The following TLK1 variants were observed in gnomAD, a reference collection of about 807,000 sequenced individuals.
The protein encoded by TLK1 is serine/threonine-protein kinase tousled-like 1.
A neutral mutation model predicts 105.3 loss-of-function variants in TLK1; 24 were observed. That is an observed-to-expected ratio of 0.23 (90% confidence interval 0.17 to 0.32). The LOEUF is 0.32. Among genes scored for constraint, TLK1 ranks in the 10% least tolerant of loss-of-function variants. TLK1 has a pLI of 1.00. For missense variants in TLK1, 558 were observed against 910.5 expected, an observed-to-expected ratio of 0.61 and a Z score of 4.98; for synonymous variants, 321 against 310.4, an observed-to-expected ratio of 1.03 and a Z score of -0.36.
At chr2:171,082,427 T>C (rs1301998071) in intron 3 of TLK1, among the ~76,000 whole-genome samples, 4 of 151,910 alleles carry the variant, frequency 2.6e-5, no homozygotes, top group African/African-American at 4.8e-5. Context: ...AGGATCAAAC[T>C]AAAAGGAAAG....
intron 1 of TLK1, among the ~76,000 whole-genome samples, chr2:171,191,836 G>T (rs1393169442): frequency 6.6e-6 from 1 of 151,998 alleles, no homozygotes; most frequent in African/African-American, 2.4e-5. Context: ...AAACTGTGAT[G>T]AGCTTAAAAA....
intron 3 of TLK1, among the ~76,000 whole-genome samples, chr2:171,078,862 C>T (rs1575579945): frequency 6.6e-6 from 1 of 152,348 alleles, no homozygotes; most frequent in Non-Finnish European, 1.5e-5. Flanking sequence ...TCATGTCCCT[C>T]CAACGCAATC....
At chr2:171,078,469 C>T (rs1182594942) in intron 3 of TLK1, among the ~76,000 whole-genome samples, 1 of 151,812 alleles carries the variant, frequency 6.6e-6, no homozygotes, top group Non-Finnish European at 1.5e-5. Flanking sequence ...ACCTGGGAGG[C>T]GGAGGTTGTG....
intron 1 of TLK1, among the ~76,000 whole-genome samples, chr2:171,153,201 T>C (rs182075209): frequency 6.6e-6 from 1 of 152,360 alleles, no homozygotes; most frequent in Admixed American, 6.5e-5. Context: ...CCCCATCATG[T>C]ACTACTCTAG....
intron 1 of TLK1, among the ~76,000 whole-genome samples, chr2:171,150,504 C>T (rs1008464840): frequency 6.6e-6 from 1 of 152,202 alleles, no homozygotes; most frequent in Non-Finnish European, 1.5e-5. Flanking sequence ...CTCACCCTAA[C>T]CACAGCCACC....
intron 11 of TLK1, among the ~76,000 whole-genome samples, chr2:171,032,290 A>T (rs1686083320): frequency 6.6e-6 from 1 of 152,216 alleles, no homozygotes; most frequent in African/African-American, 2.4e-5. Context: ...TTGTAAGCTA[A>T]GAAATAAAAC....
At chr2:171,183,647 T>C (rs1388789260) in intron 1 of TLK1, among the ~76,000 whole-genome samples, 1 of 152,204 alleles carries the variant, frequency 6.6e-6, no homozygotes, top group Non-Finnish European at 1.5e-5. Context: ...TTGTCTTTCA[T>C]TGTATGGATG....
intron 1 of TLK1, among the ~76,000 whole-genome samples, chr2:171,207,572 T>C (rs1693528961): frequency 6.6e-6 from 1 of 152,274 alleles, no homozygotes; most frequent in South Asian, 2.1e-4. Context: ...GATGTACCAC[T>C]GTGGTGTGGG....
chr2:171,222,942 G>A (rs1451252903), intron 1 of TLK1, among the ~76,000 whole-genome samples: 3 of 152,070 alleles, frequency 2.0e-5, no homozygotes, highest in African/African-American at 4.8e-5. Context: ...AGCCTCCTGA[G>A]TAACTGGGAT....
In TLK1 at chr2:171,160,811, GCAGTGCGTCGGCCCCCGGCGT is replaced by G. The variant is rs1021735700; in HGVS notation, c.-404_-384del. 17 of 370,676 alleles carry G rather than the reference GCAGTGCGTCGGCCCCCGGCGT, an allele frequency of 4.6e-5. No homozygotes were observed. The highest frequency in any genetic ancestry group is 8.1e-5 in the Non-Finnish European group (17 of 209,522). The allele number at this position is 370,676 out of a possible 1,614,324, so 23.0% of individuals were successfully genotyped here. A position where few individuals can be genotyped will look rare whatever the true frequency, so the allele number is the denominator to read the frequency against. On this transcript the variant is annotated 5_prime_UTR_variant, in exon 1 of 21. Coordinates refer to ENST00000431350, the MANE Select transcript of TLK1 (RefSeq NM_012290.5). This position sits in a 1 kb window ranked among gnomAD's most constrained non-coding sequence, Gnocchi z 4.4. ...GCGGGCGGAACCTGCCGGCACCTCTGCAGTGCGTCGGCCCCCGGCGTCGCCCGGGAGGCGGCGGCGGCGGGC... is the reference window on the plus strand; with the variant it reads ...GCGGGCGGAACCTGCCGGCACCTCTGCGCCCGGGAGGCGGCGGCGGCGGGC...
intron 1 of TLK1, among the ~76,000 whole-genome samples, chr2:171,127,055 C>G (rs145856704): frequency 2.6e-5 from 4 of 152,074 alleles, no homozygotes; most frequent in Admixed American, 6.5e-5. Context: ...GTGAGTGGAT[C>G]ACCTGAGGTC....
chr2:171,044,203 G>C (rs1470339663), intron 11 of TLK1, among the ~76,000 whole-genome samples: 1 of 152,114 alleles, frequency 6.6e-6, no homozygotes, highest in Non-Finnish European at 1.5e-5. Context: ...AAAGAGTACA[G>C]CTTGAGCCCA....
intron 1 of TLK1, among the ~76,000 whole-genome samples, chr2:171,188,985 A>G (rs1343784196): frequency 6.6e-6 from 1 of 152,184 alleles, no homozygotes; most frequent in African/African-American, 2.4e-5. Flanking sequence ...TTTGTGCTTA[A>G]TAAGAACCAA....
chr2:171,212,616 G>C (rs1426218222), intron 1 of TLK1, among the ~76,000 whole-genome samples: 1 of 152,082 alleles, frequency 6.6e-6, no homozygotes, highest in Non-Finnish European at 1.5e-5. Flanking sequence ...CTTCGGAAAA[G>C]AAATTTAAGT....
chr2:171,082,743 T>C lies in TLK1; in HGVS notation c.330+38A>G, dbSNP rs1575583140. ...TAATTAAAACGGTGATTCCAGCTTT[T>C]ACTTTAATAGCACCATATTTAAAAT... On this transcript the variant is annotated intron_variant, in intron 3 of 20. Transcript: ENST00000431350. 4.1e-6 allele frequency: 6 copies of C among 1,460,732 alleles called. No homozygotes were observed. The African/African-American group carries it at 4.2e-5, about 10-fold the overall frequency. The allele number at this position is 1,460,732 out of a possible 1,614,324, so 90.5% of individuals were successfully genotyped here. A position where few individuals can be genotyped will look rare whatever the true frequency, so the allele number is the denominator to read the frequency against.
chr2:171,061,084 G>C lies in TLK1; in HGVS notation c.403C>G (p.Gln135Glu). ...RKAENQNESSQGKSIGGRGHK... is the reference protein window; with the variant it reads ...RKAENQNESSEGKSIGGRGHK... Reference sequence around the variant, plus strand: ...AAGGAAGATGTTATGTGCTTACCCTGACTACTTTCATTCTGGTTTTCTGCT... The same window carrying C: ...AAGGAAGATGTTATGTGCTTACCCTCACTACTTTCATTCTGGTTTTCTGCT... Residue 135 changes from glutamine (Q) to glutamate (E), a missense_variant, in exon 4 of 21, where the codon CAG (glutamine) becomes GAG (glutamate). By Grantham distance (29) the Gln-to-Glu change is conservative. Coordinates refer to ENST00000431350, the MANE Select transcript of TLK1 (RefSeq NM_012290.5). 1 of 1,613,354 alleles carries C rather than the reference G, an allele frequency of 6.2e-7. No individual in the cohort carries two copies. Among genetic ancestry groups the C allele is most frequent in the Non-Finnish European group, 8.5e-7 (1 of 1,179,580 alleles).
rs561838968 is a variant in TLK1, at chr2:171,021,858, G to C, written c.1236+6481C>G. Among the ~76,000 whole-genome samples, 20 of 152,084 alleles carry C rather than the reference G, an allele frequency of 1.3e-4. No homozygotes were observed. In the East Asian group the frequency reaches 3.9e-3, roughly 29 times the overall value. ...CTCACGCCTGTAATCCCAGCACTTT[G>C]GGAGGCTGAGGTGGGTGGATCACAA... On this transcript the variant is annotated intron_variant, in intron 12 of 20. Transcript: ENST00000431350.
chr2:171,136,478 G>A (rs1415618590), intron 1 of TLK1, among the ~76,000 whole-genome samples: 1 of 152,152 alleles, frequency 6.6e-6, no homozygotes, highest in Non-Finnish European at 1.5e-5. Context: ...CAGAGGCTGA[G>A]GCAAGTGAAC....
At chr2:171,156,031 G>T (rs1337870955) in intron 1 of TLK1, among the ~76,000 whole-genome samples, 3 of 152,068 alleles carry the variant, frequency 2.0e-5, no homozygotes, top group African/African-American at 7.2e-5. Flanking sequence ...CTTCCTGTAG[G>T]TCCTAGAGAC....
Sources: gnomAD v4.1 joint callset for allele counts (sites outside exome capture counted in the v4.1 genomes callset) on GRCh38, gnomAD v4.1.1 for gene constraint, Gnocchi (gnomAD v3.1) non-coding constraint, MANE v1.5 for transcripts, NCBI Gene and HGNC (gene_info 2026-07-23, HGNC 2026-07-21) for gene names.